Variants in EPB41 observed in about 807,000 individuals in gnomAD.
The protein encoded by EPB41 is protein 4.1.
Under a neutral mutation model 108.0 loss-of-function variants are expected in EPB41, and 65 were observed. The ratio of observed to expected loss-of-function variants is 0.60; its 90% CI spans 0.49 to 0.74. The LOEUF is 0.74. Among genes scored for constraint, EPB41 ranks in the 30% least tolerant of loss-of-function variants. The probability of loss-of-function intolerance (pLI) is 0.00; values close to 1 mark genes in which losing one functional copy is unlikely to be tolerated. For missense variants in EPB41, 875 were observed against 1,037.0 expected (o/e 0.84, Z 2.15); for synonymous variants, 336 against 358.9 (o/e 0.94, Z 0.72).
At chr1:29,089,653 A>G (rs1264202120) in intron 16 of EPB41, among the ~76,000 whole-genome samples, 1 of 152,226 alleles carries the variant, frequency 6.6e-6, no homozygotes, top group Non-Finnish European at 1.5e-5. Context: ...CACAGAGATA[A>G]TAGAAAGATG....
intron 11 of EPB41, among the ~76,000 whole-genome samples, chr1:29,046,360 C>T (rs536247075): frequency 6.6e-6 from 1 of 152,166 alleles, no homozygotes; most frequent in South Asian, 2.1e-4. Flanking sequence ...AACTCCTGAC[C>T]TCGTGATCCA....
At chr1:28,941,401 G>C (rs2094280487) in intron 1 of EPB41, among the ~76,000 whole-genome samples, 2 of 149,354 alleles carry the variant, frequency 1.3e-5, no homozygotes, top group African/African-American at 2.4e-5. Context: ...AACCAATAAT[G>C]GGGAAAAATG....
intron 16 of EPB41, among the ~76,000 whole-genome samples, chr1:29,078,171 AT>A (rs1371013855): frequency 6.6e-6 from 1 of 152,136 alleles, no homozygotes; most frequent in African/African-American, 2.4e-5. Flanking sequence ...GTGAGCCAAA[AT>A]TGCACCACTG....
chr1:29,032,614 G>A (rs2096804068), intron 8 of EPB41, among the ~76,000 whole-genome samples: 1 of 152,088 alleles, frequency 6.6e-6, no homozygotes, highest in Non-Finnish European at 1.5e-5. Context: ...AGACATAGAT[G>A]ATTAATATTA....
chr1:29,031,407 G>A (rs527374047), intron 8 of EPB41, among the ~76,000 whole-genome samples: 2 of 152,250 alleles, frequency 1.3e-5, no homozygotes, highest in South Asian at 4.1e-4. Context: ...ATTTGGAGGC[G>A]AGGTTCTAGA....
intron 16 of EPB41, 186 bp downstream of exon 16, chr1:29,065,344 A>G: frequency 8.8e-7 from 1 of 1,130,556 alleles, no homozygotes; most frequent in East Asian, 2.9e-5. Context: ...TAGGCTACCC[A>G]GTGCAATTAT....
intron 6 of EPB41, among the ~76,000 whole-genome samples, chr1:29,017,042 T>G (rs1055671136): frequency 3.3e-5 from 5 of 152,222 alleles, no homozygotes; most frequent in African/African-American, 1.2e-4. Flanking sequence ...TTCTTGAAGT[T>G]GAGATGCCGG....
At chr1:29,108,220 C>T (rs1574035457) in intron 17 of EPB41, among the ~76,000 whole-genome samples, 1 of 149,154 alleles carries the variant, frequency 6.7e-6, no homozygotes, top group East Asian at 2.0e-4. Context: ...GCAATCTCAG[C>T]TCTCCACAAC....
intron 1 of EPB41, among the ~76,000 whole-genome samples, chr1:28,901,239 T>G (rs145919051): frequency 0.012 from 1,762 of 146,120 alleles, 93 homozygotes; most frequent in African/African-American, 0.042. Context: ...ATTTATTTAC[T>G]TTTTGAGACA....
At chr1:29,062,656 T>G (rs953862884) in intron 15 of EPB41, among the ~76,000 whole-genome samples, 2 of 152,000 alleles carry the variant, frequency 1.3e-5, no homozygotes, top group African/African-American at 4.8e-5. Flanking sequence ...CAGCAGGTTT[T>G]TTTTTTTTTA....
intron 16 of EPB41, among the ~76,000 whole-genome samples, chr1:29,093,780 C>T (rs1018913310): frequency 3.3e-5 from 5 of 152,150 alleles, no homozygotes; most frequent in African/African-American, 9.7e-5. Context: ...TGGCACACAC[C>T]TGTAGTCTCA....
At chr1:29,057,838 CA>C (rs1645819941) in intron 12 of EPB41, among the ~76,000 whole-genome samples, 1 of 152,156 alleles carries the variant, frequency 6.6e-6, no homozygotes. Flanking sequence ...CTATTAATAT[CA>C]AGGATGAATC....
intron 1 of EPB41, among the ~76,000 whole-genome samples, chr1:28,944,854 C>T (rs1209860217): frequency 2.0e-5 from 3 of 150,726 alleles, no homozygotes; most frequent in African/African-American, 7.3e-5. Flanking sequence ...TTTGGGAGGC[C>T]GAGGTGGGAG....
rs754190005 is a variant in EPB41 at position 29,015,666 on chromosome 1, A to C, written c.830-26A>C. On this transcript the variant is annotated intron_variant, in intron 5 of 20. Transcript: ENST00000343067. ...AATTAGAAACTTAGGTATAAACGTA[A>C]AATTCTTTTGTGTTTATTTTTATAG... 5.6e-6 allele frequency: 8 copies of C among 1,434,480 alleles called. No homozygotes were observed. In the African/African-American group the frequency reaches 1.1e-4, roughly 20 times the overall value. The allele number at this position is 1,434,480 out of a possible 1,614,324, so 88.9% of individuals were successfully genotyped here.
At chr1:28,968,640 G>A (rs1042090204) in intron 1 of EPB41, among the ~76,000 whole-genome samples, 10 of 152,102 alleles carry the variant, frequency 6.6e-5, no homozygotes, top group Middle Eastern at 3.4e-3. Context: ...AGTTTTTGCC[G>A]TTACTTTCAA....
At chr1:28,966,933 A>C (rs112747389) in intron 1 of EPB41, among the ~76,000 whole-genome samples, 64 of 151,456 alleles carry the variant, frequency 4.2e-4, no homozygotes, top group African/African-American at 1.5e-3. Context: ...TTTTAGTAGG[A>C]TCATGCTACC....
intron 2 of EPB41, among the ~76,000 whole-genome samples, chr1:28,990,737 T>G (rs1205331385): frequency 1.3e-5 from 2 of 152,066 alleles, no homozygotes; most frequent in African/African-American, 4.8e-5. Context: ...TTTTAACTGC[T>G]TTTTTCTCCT....
At chr1:29,113,048 C>G (rs958660756) in intron 19 of EPB41, among the ~76,000 whole-genome samples, 12 of 152,194 alleles carry the variant, frequency 7.9e-5, no homozygotes, top group Middle Eastern at 3.2e-3. Context: ...GGGCAAATCA[C>G]TTTTCCGCTG....
At chr1:28,984,152 C>G (rs907559315) in intron 1 of EPB41, among the ~76,000 whole-genome samples, 1 of 152,142 alleles carries the variant, frequency 6.6e-6, no homozygotes, top group Non-Finnish European at 1.5e-5. Context: ...CCAGCTGTTT[C>G]TCCTCCCTCC....
Sources: gnomAD v4.1 joint callset for allele counts (sites outside exome capture counted in the v4.1 genomes callset) on GRCh38, gnomAD v4.1.1 for gene constraint, MANE v1.5 for transcripts, NCBI Gene and HGNC (gene_info 2026-07-23, HGNC 2026-07-21) for gene names.